Variants in ZFAND4 observed in about 807,000 individuals in gnomAD.
ZFAND4 encodes the protein zinc finger AN1-type containing 4.
ZFAND4 carries 43 observed loss-of-function variants against 64.4 expected under a neutral mutation model. That is an observed-to-expected ratio of 0.67 (90% CI 0.52 to 0.86). The LOEUF (loss-of-function observed/expected upper bound fraction) is 0.86, where lower values mean the gene tolerates loss of function less well. Ranked by LOEUF, ZFAND4 falls within the 40% of genes least tolerant of loss-of-function variation. The probability of loss-of-function intolerance (pLI) is 0.00; values close to 1 mark genes in which losing one functional copy is unlikely to be tolerated. For synonymous variants in ZFAND4, 296 were observed against 305.7 expected, an observed-to-expected ratio of 0.97 and a Z score of 0.33; for missense variants, 929 against 859.8, an observed-to-expected ratio of 1.08 and a Z score of -1.01.
intron 2 of ZFAND4, among the ~76,000 whole-genome samples, chr10:45,659,867 A>C (rs2048350998): frequency 1.3e-5 from 2 of 152,146 alleles, no homozygotes; most frequent in South Asian, 4.1e-4. Flanking sequence ...TCTGGAAAAG[A>C]ATTGGGAAGT....
At chr10:45,621,810 A>G (rs1461549735) in intron 8 of ZFAND4, among the ~76,000 whole-genome samples, 4 of 152,192 alleles carry the variant, frequency 2.6e-5, no homozygotes, top group Non-Finnish European at 4.4e-5. Context: ...GTAAAAATTT[A>G]TAACAATGTG....
At chr10:45,652,269 C>T (rs1241548614) in intron 3 of ZFAND4, among the ~76,000 whole-genome samples, 2 of 152,076 alleles carry the variant, frequency 1.3e-5, no homozygotes, top group African/African-American at 2.4e-5. Flanking sequence ...TGGAAAAGAC[C>T]TCTGTGATTA....
intron 1 of ZFAND4, among the ~76,000 whole-genome samples, chr10:45,671,297 A>C (rs1185089605): frequency 1.3e-5 from 2 of 152,212 alleles, no homozygotes; most frequent in Admixed American, 6.5e-5. Flanking sequence ...CTAGAACTAG[A>C]AATACCATTT....
intron 4 of ZFAND4, 25 bp from the exon 5 acceptor site, chr10:45,648,559 T>C: frequency 1.3e-6 from 2 of 1,576,094 alleles, no homozygotes; most frequent in Non-Finnish European, 1.7e-6. Flanking sequence ...TTGAAATAAG[T>C]CTTCAATTTG....
intron 1 of ZFAND4, among the ~76,000 whole-genome samples, chr10:45,668,639 T>C (rs943987844): frequency 6.6e-5 from 10 of 152,166 alleles, no homozygotes; most frequent in Non-Finnish European, 1.0e-4. Flanking sequence ...GTTGACCACA[T>C]AGCTGGAAGT....
intron 8 of ZFAND4, among the ~76,000 whole-genome samples, chr10:45,621,277 C>G (rs2045401674): frequency 6.6e-6 from 1 of 151,988 alleles, no homozygotes; most frequent in African/African-American, 2.4e-5. Context: ...ATAGACTCTT[C>G]TAGATAATTC....
rs887177786 is a variant in ZFAND4, at chr10:45,626,336, C to T, written c.1487G>A (p.Cys496Tyr). ...AGGCTGTAGCTTCCCAAACTCAAAA[C>T]ATTTGGACTGTCTCTCTGGTTTCAC... ...SLVKPERQSK[C>Y]FEFGKLQPSS... is the part of the protein sequence containing the mutation. Residue 496 changes from cysteine (C) to tyrosine (Y), a missense_variant, in exon 7 of 10, where the codon TGT (cysteine) becomes TAT (tyrosine). Physicochemically the swap from Cys to Tyr is radical, Grantham distance 194. Coordinates refer to ENST00000344646, the MANE Select transcript of ZFAND4 (RefSeq NM_174890.4). The T allele has an allele frequency of 3.1e-5, 50 of 1,614,074 alleles. No homozygotes were observed. Among genetic ancestry groups the T allele is most frequent in the Non-Finnish European group, 4.1e-5 (48 of 1,180,046 alleles).
At chr10:45,647,616 A>G (rs144126957) in intron 5 of ZFAND4, among the ~76,000 whole-genome samples, 7 of 152,024 alleles carry the variant, frequency 4.6e-5, no homozygotes, top group Admixed American at 1.3e-4. Flanking sequence ...AGAGATCTTG[A>G]TATCTTTTTA....
intron 6 of ZFAND4, among the ~76,000 whole-genome samples, chr10:45,635,225 C>CAAAAAAAAAA (rs1486980850): frequency 1.4e-5 from 1 of 70,668 alleles, no homozygotes; most frequent in Non-Finnish European, 2.9e-5. Flanking sequence ...AAAAAAAAAA[C>CAAAAAAAAAA]AAACAAAAAA....
At chr10:45,655,259 G>A (rs1292539816) in intron 2 of ZFAND4, among the ~76,000 whole-genome samples, 1 of 152,156 alleles carries the variant, frequency 6.6e-6, no homozygotes, top group African/African-American at 2.4e-5. Context: ...TGATTTTTGG[G>A]TTAACAATGA....
chr10:45,662,549 CAAAAT>C, intron 2 of ZFAND4: 1 of 977,220 alleles, frequency 1.0e-6, no homozygotes, highest in Non-Finnish European at 1.2e-6. Flanking sequence ...AGAACGAAGT[CAAAAT>C]AAACTATCAT....
At chr10:45,658,092 G>T (rs79337279) in intron 2 of ZFAND4, among the ~76,000 whole-genome samples, 9,096 of 152,174 alleles carry the variant, frequency 0.06, 398 homozygotes, top group African/African-American at 0.12. Flanking sequence ...AAAATTCTTA[G>T]GTGGAAGTCT....
chr10:45,624,051 C>A (rs1316429684), intron 8 of ZFAND4, among the ~76,000 whole-genome samples: 1 of 152,110 alleles, frequency 6.6e-6, no homozygotes, highest in East Asian at 1.9e-4. Flanking sequence ...TAATGACTGG[C>A]CGGTGCATCT....
chr10:45,672,088 T>A (rs2049236442), intron 1 of ZFAND4, among the ~76,000 whole-genome samples, 162 bp downstream of exon 1: 1 of 152,206 alleles, frequency 6.6e-6, no homozygotes, highest in Non-Finnish European at 1.5e-5. Flanking sequence ...GATCTACATT[T>A]ACTGATACAT....
At chr10:45,625,922 C>T (rs1452780147) in intron 7 of ZFAND4, 29 bp downstream of exon 7, 10 of 1,596,376 alleles carry the variant, frequency 6.3e-6, no homozygotes, top group Admixed American at 1.7e-5. Context: ...AGGATAACTA[C>T]TAGAGCATGT....
At chr10:45,624,705 A>G in intron 7 of ZFAND4, 68 bp from the exon 8 acceptor site, 1 of 1,283,320 alleles carries the variant, frequency 7.8e-7, no homozygotes, top group Non-Finnish European at 1.1e-6. Context: ...AACAAACATG[A>G]AATACTTGTA....
chr10:45,664,349 A>G (rs920393285), intron 1 of ZFAND4, among the ~76,000 whole-genome samples: 6 of 151,234 alleles, frequency 4.0e-5, no homozygotes, highest in African/African-American at 1.2e-4. Flanking sequence ...GCTCACTGCA[A>G]CCTCCGCCTC....
intron 4 of ZFAND4, chr10:45,649,586 TA>T (rs1460264229): frequency 1.3e-5 from 2 of 152,218 alleles, no homozygotes; most frequent in Non-Finnish European, 1.5e-5. Flanking sequence ...TTCCATAGCC[TA>T]AATTCAATAA....
In ZFAND4 at chr10:45,624,603, G is replaced by C. The variant is rs371085512; in HGVS notation, c.1907C>G (p.Ala636Gly). 49 of 1,613,794 alleles carry C rather than the reference G, an allele frequency of 3.0e-5. No homozygotes were observed. The highest frequency in any genetic ancestry group is 3.8e-5 in the Non-Finnish European group (45 of 1,179,890). Residue 636 changes from alanine (A) to glycine (G), a missense_variant, in exon 8 of 10, where the codon GCA becomes GGA. Transcript: ENST00000344646. ...CTTACCTACGCTTTTCCCTGCTGCTGCATTATTTCCATTCATTCCAACACC... is the reference window on the plus strand; with the variant it reads ...CTTACCTACGCTTTTCCCTGCTGCTCCATTATTTCCATTCATTCCAACACC... ...THGVGMNGNN[A>G]AAGKSVGECT...
Sources: gnomAD v4.1 joint callset for allele counts (sites outside exome capture counted in the v4.1 genomes callset) on GRCh38, gnomAD v4.1.1 for gene constraint, MANE v1.5 for transcripts, NCBI Gene and HGNC (gene_info 2026-07-23, HGNC 2026-07-21) for gene names.